The following ENO4 variants were observed in gnomAD, a reference collection of about 807,000 sequenced individuals.
ENO4 encodes enolase 4.
ENO4 carries 53 observed loss-of-function variants against 63.2 expected under a neutral mutation model. That is an observed-to-expected ratio of 0.84 (90% confidence interval 0.67 to 1.05). The LOEUF is 1.05. Among genes scored for constraint, ENO4 ranks in the 50% least tolerant of loss-of-function variants. ENO4 has a pLI of 0.00. For missense variants in ENO4, 719 were observed against 772.0 expected (o/e 0.93, Z 0.81); for synonymous variants, 266 against 283.8 (o/e 0.94, Z 0.63).
intron 11 of ENO4, among the ~76,000 whole-genome samples, chr10:116,878,777 C>T (rs944922225): frequency 1.7e-5 from 2 of 118,814 alleles, no homozygotes; most frequent in South Asian, 2.9e-4. Context: ...GAGTCTTGCT[C>T]TGTCGCCCAG....
intron 10 of ENO4, among the ~76,000 whole-genome samples, chr10:116,902,393 T>C (rs576355947): frequency 1.3e-5 from 2 of 152,340 alleles, no homozygotes; most frequent in Admixed American, 1.3e-4. Context: ...AAAAGGCTCA[T>C]GAAGGCTTCT....
intron 1 of ENO4, chr10:116,850,220 G>C (rs1290588241): frequency 4.5e-6 from 1 of 221,758 alleles, no homozygotes; most frequent in Non-Finnish European, 9.1e-6. Context: ...CCTCTGCCGG[G>C]ATGCCAGTTA....
downstream of ENO4, chr10:116,884,009 A>G: frequency 4.3e-6 from 1 of 233,336 alleles, no homozygotes. Flanking sequence ...AAATGCATCA[A>G]CATTCGTTTT....
intron 10 of ENO4, among the ~76,000 whole-genome samples, chr10:116,893,576 G>GCACACACACACACACACACA (rs6144113): frequency 0.19 from 23,380 of 123,406 alleles, 2,698 homozygotes; most frequent in Admixed American, 0.21. Context: ...GCACTCATGT[G>GCACACACACACACACACACA]CACACACACA....
Position 116,860,923 on chromosome 10 carries a change from A to C in ENO4, c.764A>C (p.Lys255Thr). 4 of 1,548,308 alleles carry C rather than the reference A, an allele frequency of 2.6e-6. No individual in the cohort carries two copies. The highest frequency in any genetic ancestry group is 3.5e-6 in the Non-Finnish European group (4 of 1,145,338). The stretch of plus-strand genomic sequence containing the variant: ...AAAGCCTGTGCCATGCTGCTTAATA[A>C]ACCTCTGTACTTAAATATCGCTCTA... ...VAKACAMLLNKPLYLNIALLK... is the reference protein window; with the variant it reads ...VAKACAMLLNTPLYLNIALLK... The change falls in exon 5 of 14, where the codon AAA becomes ACA. Residue 255 changes from lysine to threonine, a missense_variant. By Grantham distance (78) the Lys-to-Thr change is moderately conservative. This residue lies in a region of ENO4 where 544 missense variants were observed against 583.6 expected (regional missense o/e 0.93). Transcript: ENST00000341276.
At chr10:116,852,482 A>T (rs963063821) in intron 1 of ENO4, among the ~76,000 whole-genome samples, 2 of 152,240 alleles carry the variant, frequency 1.3e-5, no homozygotes, top group African/African-American at 4.8e-5. Context: ...TGATAGAGTT[A>T]CACTGATGGT....
At chr10:116,859,361 T>C (rs1203588337) in intron 4 of ENO4, among the ~76,000 whole-genome samples, 1 of 152,230 alleles carries the variant, frequency 6.6e-6, no homozygotes, top group Non-Finnish European at 1.5e-5. Flanking sequence ...AGGTGATAAA[T>C]ACTTATTATT....
At chr10:116,866,472 C>T (rs1177930490) in intron 7 of ENO4, among the ~76,000 whole-genome samples, 1 of 152,190 alleles carries the variant, frequency 6.6e-6, no homozygotes, top group African/African-American at 2.4e-5. Context: ...GGAGCTGCCA[C>T]GGTGAGCCTC....
rs554614192 is a variant in ENO4 at position 116,872,976 on chromosome 10, TA to T, written c.1216-1090del. On this transcript the variant is annotated intron_variant, in intron 9 of 13. Transcript: ENST00000341276. Reference sequence around the variant, plus strand: ...AATGATTGGTTCCTAGGCATACCATTAAAAAAAAAATTGCATGTTTTCATCA... The same window carrying T: ...AATGATTGGTTCCTAGGCATACCATTAAAAAAAAATTGCATGTTTTCATCA... Among the ~76,000 whole-genome samples the T allele has an allele frequency of 1.5e-3, 223 of 149,684 alleles. 3 individuals carry two copies. In the South Asian group the frequency reaches 0.024, roughly 16 times the overall value.
intron 10 of ENO4, chr10:116,901,882 G>A (rs1361138048): frequency 1.2e-6 from 2 of 1,608,370 alleles, no homozygotes; most frequent in Admixed American, 3.4e-5. Context: ...GTTCAAGGCT[G>A]TTTTTGTTAC....
intron 1 of ENO4, among the ~76,000 whole-genome samples, chr10:116,853,919 G>C (rs141286695): frequency 5.4e-4 from 82 of 152,272 alleles, no homozygotes; most frequent in African/African-American, 1.9e-3. Flanking sequence ...CTAAATGAAA[G>C]CAAAGCCCAG....
chr10:116,901,502 CAATT>C, intron 10 of ENO4: 1 of 985,148 alleles, frequency 1.0e-6, no homozygotes, highest in Non-Finnish European at 1.2e-6. Flanking sequence ...TCATCCAGAT[CAATT>C]ATTTGTGTAG....
chr10:116,889,486 G>A (rs1300444947), intron 10 of ENO4, among the ~76,000 whole-genome samples: 1 of 152,148 alleles, frequency 6.6e-6, no homozygotes, highest in Non-Finnish European at 1.5e-5. Flanking sequence ...GGTTTCTCAA[G>A]GATAATGACC....
chr10:116,878,152 TGGACTACAAACTG>T (rs1459301104), intron 11 of ENO4, among the ~76,000 whole-genome samples: 1 of 152,216 alleles, frequency 6.6e-6, no homozygotes, highest in East Asian at 1.9e-4. Flanking sequence ...GGTTTCCCAC[TGGACTACAAACTG>T]AGTTCATGGG....
rs565182239 is a variant in ENO4, at chr10:116,873,966, G to A, written c.1216-110G>A. Reference sequence around the variant, plus strand: ...GGTCAACGTGCCCTGAAAAGAACCTGTTTACAACCTCTTATATAAAATGAA... The same window carrying A: ...GGTCAACGTGCCCTGAAAAGAACCTATTTACAACCTCTTATATAAAATGAA... On this transcript the variant is annotated intron_variant, in intron 9 of 13. Transcript: ENST00000341276. 1.4e-5 allele frequency: 19 copies of A among 1,366,144 alleles called. No homozygotes were observed. In the South Asian group the frequency reaches 2.1e-4, roughly 15 times the overall value. The allele number at this position is 1,366,144 out of a possible 1,614,324, so 84.6% of individuals were successfully genotyped here.
At chr10:116,905,885 A>G (rs1847949632) in intron 10 of ENO4, among the ~76,000 whole-genome samples, 1 of 152,192 alleles carries the variant, frequency 6.6e-6, no homozygotes, top group Non-Finnish European at 1.5e-5. Flanking sequence ...GAAGACACGC[A>G]CAGTTATGGG....
chr10:116,878,775 C>T (rs1297901066), intron 11 of ENO4, among the ~76,000 whole-genome samples: 2 of 113,894 alleles, frequency 1.8e-5, no homozygotes, highest in South Asian at 2.8e-4. Context: ...CGGAGTCTTG[C>T]TCTGTCGCCC....
At chr10:116,895,391 T>C (rs1456355377) in intron 10 of ENO4, among the ~76,000 whole-genome samples, 1 of 152,208 alleles carries the variant, frequency 6.6e-6, no homozygotes, top group East Asian at 1.9e-4. Flanking sequence ...TTATTGGACA[T>C]TTGGCATGAA....
chr10:116,909,685 T>C (rs1258382017), intron 10 of ENO4, among the ~76,000 whole-genome samples: 1 of 152,178 alleles, frequency 6.6e-6, no homozygotes, highest in Non-Finnish European at 1.5e-5. Flanking sequence ...TTGAAAATTG[T>C]TCAACTCAGA....
Sources: gnomAD v4.1 joint callset for allele counts (sites outside exome capture counted in the v4.1 genomes callset) on GRCh38, gnomAD v4.1.1 for gene constraint, gnomAD v4.1.1 regional missense constraint, MANE v1.5 for transcripts, NCBI Gene and HGNC (gene_info 2026-07-23, HGNC 2026-07-21) for gene names.